Variants in SENP7 observed in about 807,000 individuals in gnomAD.
The protein encoded by SENP7 is SUMO specific peptidase 7.
SENP7 carries 64 observed loss-of-function variants against 141.2 expected under a neutral mutation model. The observed-to-expected ratio is 0.45, with a 90% CI of 0.37 to 0.56. SENP7 has a LOEUF of 0.56. SENP7 is among the 20% of genes least tolerant of loss of function. The pLI is 0.00. For missense variants in SENP7, 1,025 were observed against 1,212.2 expected (o/e 0.85, Z 2.29); for synonymous variants, 382 against 426.4 (o/e 0.90, Z 1.28).
Position 101,371,992 on chromosome 3 carries a change from T to C in SENP7, c.796+16A>G. ...GAAAAAATTCAAATTCCAACAGTTT[T>C]CTAAGGTTCACAAACCTTCAGGCTG... On this transcript the variant is annotated intron_variant, in intron 7 of 23. Transcript: ENST00000394095. 2 of 1,188,500 alleles carry C rather than the reference T, an allele frequency of 1.7e-6. No homozygotes were observed. Among genetic ancestry groups the C allele is most frequent in the Non-Finnish European group, 2.3e-6 (2 of 869,890 alleles). The allele number at this position is 1,188,500 out of a possible 1,614,324, so 73.6% of individuals were successfully genotyped here. A position where few individuals can be genotyped will look rare whatever the true frequency, so the allele number is the denominator to read the frequency against.
At chr3:101,444,031 A>C (rs1253871756) in intron 4 of SENP7, among the ~76,000 whole-genome samples, 1 of 145,838 alleles carries the variant, frequency 6.9e-6, no homozygotes, top group Non-Finnish European at 1.5e-5. Flanking sequence ...CAATGAACTC[A>C]AACAAATTTA....
chr3:101,371,916 A>T (rs2060191972), intron 7 of SENP7, 92 bp downstream of exon 7: 1 of 462,074 alleles, frequency 2.2e-6, no homozygotes. Flanking sequence ...TATCCTTTCA[A>T]AGTAAAATAA....
chr3:101,461,814 T>C (rs888815301), intron 3 of SENP7, among the ~76,000 whole-genome samples: 3 of 152,204 alleles, frequency 2.0e-5, no homozygotes, highest in African/African-American at 7.2e-5. Context: ...CAATGGAATA[T>C]TATTAGACCA....
chr3:101,326,044 C>G lies in SENP7; in HGVS notation c.3052G>C (p.Glu1018Gln). Residue 1018 changes from glutamate (E) to glutamine (Q), a missense_variant, in exon 24 of 24, where the codon GAG becomes CAG. Physicochemically the swap from Glu to Gln is conservative, Grantham distance 29 (BLOSUM62 2). Coordinates refer to ENST00000394095, the MANE Select transcript of SENP7 (RefSeq NM_020654.5). ...IVNFELPIHLEKWFPRHVIKT... is the reference protein window; with the variant it reads ...IVNFELPIHLQKWFPRHVIKT... ...ATTACATGACGAGGAAACCACTTCT[C>G]CAAATGAATTGGAAGTTCAAAGTTA... 6.2e-7 allele frequency: 1 copy of G among 1,608,878 alleles called. No individual in the cohort carries two copies. The highest frequency in any genetic ancestry group is 8.5e-7 in the Non-Finnish European group (1 of 1,177,424).
intron 10 of SENP7, among the ~76,000 whole-genome samples, chr3:101,363,630 A>G (rs547156080): frequency 1.3e-5 from 2 of 152,338 alleles, no homozygotes; most frequent in South Asian, 4.1e-4. Context: ...ATATACAACT[A>G]AACCATCAAG....
At position 101,332,128 on chromosome 3, in the gene SENP7, A is replaced by C. The variant is rs2059072763; in HGVS notation, c.2574-19T>G. 6.2e-7 allele frequency: 1 copy of C among 1,611,254 alleles called. No individual in the cohort carries two copies. The highest frequency in any genetic ancestry group is 8.5e-7 in the Non-Finnish European group (1 of 1,178,150). Reference sequence around the variant, plus strand: ...GTGAGACCTGTTGAAAAAGAACTACAATCTTAATACCATGCAAAGTCTAAA... The same window carrying C: ...GTGAGACCTGTTGAAAAAGAACTACCATCTTAATACCATGCAAAGTCTAAA... On this transcript the variant is annotated intron_variant, in intron 18 of 23. Coordinates refer to ENST00000394095, the MANE Select transcript of SENP7 (RefSeq NM_020654.5).
chr3:101,510,416 C>A (rs1266332074), intron 1 of SENP7, among the ~76,000 whole-genome samples: 1 of 152,220 alleles, frequency 6.6e-6, no homozygotes, highest in Non-Finnish European at 1.5e-5. Context: ...AAGTTTAGGG[C>A]AGCCTAATGT....
intron 4 of SENP7, among the ~76,000 whole-genome samples, chr3:101,431,508 C>CTTTTTTTTT (rs56937965): frequency 1.1e-4 from 9 of 82,906 alleles, no homozygotes; most frequent in Non-Finnish European, 1.6e-4. Context: ...GCAACCCCTG[C>CTTTTTTTTT]TTTTTTTTTT....
At chr3:101,347,240 G>A (rs1451904549) in intron 13 of SENP7, 1 of 151,970 alleles carries the variant, frequency 6.6e-6, no homozygotes, top group Non-Finnish European at 1.5e-5. Flanking sequence ...AGAAAAAAAG[G>A]AAGGAAAGTA....
chr3:101,332,482 G>A (rs1437760289), intron 18 of SENP7, among the ~76,000 whole-genome samples: 1 of 151,200 alleles, frequency 6.6e-6, no homozygotes, highest in Non-Finnish European at 1.5e-5. Flanking sequence ...TTTTTATTTA[G>A]AAAATTTTTT....
intron 6 of SENP7, among the ~76,000 whole-genome samples, chr3:101,375,739 A>G (rs1434448050): frequency 6.6e-6 from 1 of 152,174 alleles, no homozygotes; most frequent in Non-Finnish European, 1.5e-5. Context: ...CAAGAAATGA[A>G]AAGAAAAACA....
intron 15 of SENP7, 24 bp from the exon 16 acceptor site, chr3:101,340,235 CAT>C: frequency 6.4e-7 from 1 of 1,559,168 alleles, no homozygotes; most frequent in South Asian, 1.2e-5. Flanking sequence ...ATAAAGTTAA[CAT>C]ATACTGATAT....
At chr3:101,470,476 A>C (rs1489064195) in intron 3 of SENP7, among the ~76,000 whole-genome samples, 1 of 152,168 alleles carries the variant, frequency 6.6e-6, no homozygotes. Context: ...ACTCTCAATA[A>C]ACGAGGTATC....
chr3:101,376,522 G>C (rs1353099230), intron 6 of SENP7, among the ~76,000 whole-genome samples: 1 of 151,978 alleles, frequency 6.6e-6, no homozygotes, highest in African/African-American at 2.4e-5. Flanking sequence ...TATAAGAAAT[G>C]GCTGGCAAAC....
At chr3:101,446,000 TATTGTAATCCCCA>T (rs1242199795) in intron 4 of SENP7, among the ~76,000 whole-genome samples, 1 of 152,206 alleles carries the variant, frequency 6.6e-6, no homozygotes, top group Non-Finnish European at 1.5e-5. Context: ...TCTCATGTCA[TATTGTAATCCCCA>T]ATGTTGGAAG....
chr3:101,459,768 C>T (rs916195181), intron 3 of SENP7, among the ~76,000 whole-genome samples: 9 of 152,068 alleles, frequency 5.9e-5, no homozygotes, highest in Admixed American at 4.6e-4. Context: ...GTCCACGATT[C>T]GCAATAACCA....
intron 5 of SENP7, among the ~76,000 whole-genome samples, chr3:101,416,527 C>A (rs760472807): frequency 7.2e-5 from 11 of 152,164 alleles, no homozygotes; most frequent in Non-Finnish European, 1.2e-4. Context: ...GGGAAGAAAT[C>A]TGCTAGAACA....
At chr3:101,434,067 G>A (rs560147215) in intron 4 of SENP7, among the ~76,000 whole-genome samples, 3 of 152,182 alleles carry the variant, frequency 2.0e-5, no homozygotes, top group African/African-American at 7.2e-5. Context: ...CCAAAAAACT[G>A]AAATAATATG....
intron 15 of SENP7, chr3:101,340,447 C>CTTA: frequency 4.5e-6 from 2 of 445,008 alleles, no homozygotes; most frequent in Non-Finnish European, 7.7e-6. Flanking sequence ...GTGGGCTAGT[C>CTTA]TTAATAGGCT....
Sources: allele counts gnomAD v4.1 joint callset (sites outside exome capture counted in the v4.1 genomes callset), GRCh38; gene constraint gnomAD v4.1.1; transcripts MANE v1.5; gene names NCBI Gene and HGNC (gene_info 2026-07-23, HGNC 2026-07-21).